The following MLKL variants were observed in gnomAD, a reference collection of about 807,000 sequenced individuals.
MLKL encodes mixed lineage kinase domain like pseudokinase.
MLKL carries 55 observed loss-of-function variants against 56.5 expected under a neutral mutation model. The observed-to-expected ratio is 0.97, with a 90% confidence interval of 0.78 to 1.22. The LOEUF (loss-of-function observed/expected upper bound fraction) is 1.22, where lower values mean the gene tolerates loss of function less well. Among genes scored for constraint, MLKL ranks in the 50% most tolerant of loss-of-function variants. The pLI is 0.00. For missense variants in MLKL, 694 were observed against 573.9 expected (o/e 1.21, Z -2.14); for synonymous variants, 251 against 208.3 (o/e 1.20, Z -1.76).
chr16:74,699,534 A>G (rs1251314733), intron 1 of MLKL, among the ~76,000 whole-genome samples: 1 of 152,204 alleles, frequency 6.6e-6, no homozygotes, highest in Admixed American at 6.5e-5. Flanking sequence ...AGACTGGGCA[A>G]TTTGAATTTC....
chr16:74,679,123 C>A (rs1464484292), intron 6 of MLKL, 143 bp from the exon 7 acceptor site: 18 of 642,850 alleles, frequency 2.8e-5, no homozygotes, highest in Non-Finnish European at 4.8e-5. Context: ...GATGTAGAGG[C>A]AAGGTTTGAG....
intron 5 of MLKL, among the ~76,000 whole-genome samples, chr16:74,684,615 C>A (rs1239708162): frequency 6.6e-6 from 1 of 151,612 alleles, no homozygotes; most frequent in East Asian, 1.9e-4. Flanking sequence ...CTGCCTCAGC[C>A]TCCCGAGTAG....
At chr16:74,683,437 A>T (rs2144496569) in intron 5 of MLKL, among the ~76,000 whole-genome samples, 1 of 151,838 alleles carries the variant, frequency 6.6e-6, no homozygotes, top group South Asian at 2.1e-4. Flanking sequence ...CTCTATGAAA[A>T]ATGCAAAAAT....
chr16:74,686,237 C>T (rs1960317680), intron 4 of MLKL, among the ~76,000 whole-genome samples: 2 of 151,988 alleles, frequency 1.3e-5, no homozygotes, highest in African/African-American at 4.8e-5. Context: ...GCTGGGATTT[C>T]AGGTGTGAGT....
At chr16:74,686,895 C>T (rs977986556) in intron 4 of MLKL, among the ~76,000 whole-genome samples, 5 of 152,152 alleles carry the variant, frequency 3.3e-5, no homozygotes. Context: ...GAATAAAATA[C>T]TTAGGAATAA....
At chr16:74,698,336 G>T (rs1036629044) in intron 1 of MLKL, among the ~76,000 whole-genome samples, 9 of 152,092 alleles carry the variant, frequency 5.9e-5, no homozygotes, top group African/African-American at 2.2e-4. Context: ...TTAGCAGCTT[G>T]GAGAAAATAA....
At chr16:74,678,576 G>T (rs1159978213) in intron 7 of MLKL, among the ~76,000 whole-genome samples, 1 of 152,192 alleles carries the variant, frequency 6.6e-6, no homozygotes. Flanking sequence ...TTGAGGCCAG[G>T]AGTTCAAAAC....
intron 1 of MLKL, among the ~76,000 whole-genome samples, chr16:74,696,268 A>G (rs767993945): frequency 6.6e-6 from 1 of 152,148 alleles, no homozygotes; most frequent in Non-Finnish European, 1.5e-5. Flanking sequence ...GTAAACCGTT[A>G]ATATTTTCAG....
chr16:74,698,180 G>A (rs914051714), intron 1 of MLKL, among the ~76,000 whole-genome samples: 1 of 152,130 alleles, frequency 6.6e-6, no homozygotes, highest in Non-Finnish European at 1.5e-5. Context: ...CTCCATTCCA[G>A]CATGGGCAAC....
At chr16:74,673,378 C>T (rs1959357330) in intron 10 of MLKL, among the ~76,000 whole-genome samples, 2 of 152,062 alleles carry the variant, frequency 1.3e-5, no homozygotes, top group African/African-American at 2.4e-5. Flanking sequence ...CCACTATGCC[C>T]AGCTATTTTT....
intron 8 of MLKL, 80 bp from the exon 9 acceptor site, chr16:74,675,484 A>C (rs1280480481): frequency 6.3e-7 from 1 of 1,579,204 alleles, no homozygotes. Flanking sequence ...CAGAAAACTC[A>C]GTGAATTTTT....
chr16:74,695,184 G>T, intron 2 of MLKL, 114 bp downstream of exon 2: 1 of 1,158,462 alleles, frequency 8.6e-7, no homozygotes, highest in Non-Finnish European at 1.2e-6. Flanking sequence ...GAGTTTTGAG[G>T]TACAAGTATA....
intron 4 of MLKL, 73 bp from the exon 5 acceptor site, chr16:74,685,656 C>G (rs1960280692): frequency 1.6e-6 from 2 of 1,243,700 alleles, no homozygotes; most frequent in African/African-American, 1.5e-5. Flanking sequence ...GTGTGGTGAC[C>G]CTCTGTGTAT....
Position 74,691,450 on chromosome 16 carries a change from T to G in MLKL, c.549A>C (p.Lys183Asn). Residue 183 changes from lysine (K) to asparagine (N), a missense_variant, in exon 4 of 11, where the codon AAA becomes AAC. By Grantham distance (94) the Lys-to-Asn change is moderately conservative. Coordinates refer to ENST00000308807, the MANE Select transcript of MLKL (RefSeq NM_152649.4). ...KETLRQYLPP[K>N]CMQEIPQEQI... ...GCTCTTGCGGGATCTCCTGCATGCA[T>G]TTTGGTGGTAAATCTGACCTCACCC... 6.2e-7 allele frequency: 1 copy of G among 1,612,846 alleles called. No individual in the cohort carries two copies. Among genetic ancestry groups the G allele is most frequent in the Non-Finnish European group, 8.5e-7 (1 of 1,179,688 alleles).
chr16:74,674,450 G>A (rs1959454377), intron 10 of MLKL, among the ~76,000 whole-genome samples: 1 of 151,534 alleles, frequency 6.6e-6, no homozygotes, highest in African/African-American at 2.4e-5. Flanking sequence ...ACCGCGCCTG[G>A]CCAACATTTT....
chr16:74,675,578 T>A (rs1959544801), intron 8 of MLKL, 35 bp downstream of exon 8: 8 of 1,601,210 alleles, frequency 5.0e-6, no homozygotes, highest in South Asian at 1.1e-5. Flanking sequence ...ATTATGCACA[T>A]CTGAGTTAGA....
At chr16:74,691,234 G>A (rs758895046) in intron 4 of MLKL, 43 bp downstream of exon 4, 3 of 1,527,164 alleles carry the variant, frequency 2.0e-6, no homozygotes, top group Non-Finnish European at 1.8e-6. Context: ...GAGAGTTAGA[G>A]TAAGTATTGG....
chr16:74,695,382 G>A lies in MLKL; in HGVS notation c.376C>T (p.Pro126Ser), dbSNP rs763113053. ...GCCCAGGACGCTCCTTGGCTTATGGGTGAAACAGGCATGCGTTGCTCAACC... is the reference window on the plus strand; with the variant it reads ...GCCCAGGACGCTCCTTGGCTTATGGATGAAACAGGCATGCGTTGCTCAACC... ...LQVEQRMPVSPISQGASWAQE... is the reference protein window; with the variant it reads ...LQVEQRMPVSSISQGASWAQE... Residue 126 changes from proline (P) to serine (S), a missense_variant, in exon 2 of 11, where the codon CCC becomes TCC. Coordinates refer to ENST00000308807, the MANE Select transcript of MLKL (RefSeq NM_152649.4). The A allele has an allele frequency of 6.2e-7, 1 of 1,614,062 alleles. No individual in the cohort carries two copies. Among genetic ancestry groups the A allele is most frequent in the African/African-American group, 1.3e-5 (1 of 74,928 alleles).
chr16:74,684,378 C>T (rs563154692), intron 5 of MLKL, among the ~76,000 whole-genome samples: 207 of 145,764 alleles, frequency 1.4e-3, no homozygotes, highest in Non-Finnish European at 2.3e-3. Context: ...CAAAACATGA[C>T]CAGCAGGAGG....
Sources: allele counts gnomAD v4.1 joint callset (sites outside exome capture counted in the v4.1 genomes callset), GRCh38; gene constraint gnomAD v4.1.1; transcripts MANE v1.5; gene names NCBI Gene and HGNC (gene_info 2026-07-23, HGNC 2026-07-21).